Variants in G3BP2 observed in about 807,000 individuals in gnomAD.
G3BP2 encodes ras GTPase-activating protein-binding protein 2.
Under a neutral mutation model 56.7 loss-of-function variants are expected in G3BP2, and 11 were observed. The ratio of observed to expected loss-of-function variants is 0.19; its 90% CI spans 0.12 to 0.32. G3BP2 has a LOEUF of 0.32. G3BP2 is among the 10% of genes least tolerant of loss of function. G3BP2 has a pLI of 1.00. For missense variants in G3BP2, 340 were observed against 610.9 expected (o/e 0.56, Z 4.67); for synonymous variants, 165 against 191.6 (o/e 0.86, Z 1.15).
At chr4:75,713,137 C>T (rs1321826008) in intron 3 of G3BP2, among the ~76,000 whole-genome samples, 4 of 152,138 alleles carry the variant, frequency 2.6e-5, no homozygotes, top group Non-Finnish European at 4.4e-5. Context: ...TAGTTTTTAT[C>T]CTCCCTTCTA....
intron 1 of G3BP2, among the ~76,000 whole-genome samples, chr4:75,668,159 CTG>C (rs890036039): frequency 6.6e-6 from 1 of 152,078 alleles, no homozygotes; most frequent in Non-Finnish European, 1.5e-5. Context: ...ATAATACACA[CTG>C]AGAGGGAGTG....
intron 3 of G3BP2, among the ~76,000 whole-genome samples, chr4:75,704,050 C>T (rs1336546891): frequency 6.8e-6 from 1 of 147,426 alleles, no homozygotes; most frequent in East Asian, 2.0e-4. Context: ...GACAGAGTCT[C>T]GCTCTGTCGC....
upstream of G3BP2, among the ~76,000 whole-genome samples, chr4:75,678,207 G>A (rs182465959): frequency 1.8e-4 from 27 of 152,290 alleles, no homozygotes; most frequent in Admixed American, 5.2e-4. Flanking sequence ...CCTGGCTGGA[G>A]TGCAATGGTG....
At chr4:75,678,240 C>T (rs1318139414), upstream of G3BP2, among the ~76,000 whole-genome samples, 2 of 152,002 alleles carry the variant, frequency 1.3e-5, no homozygotes, top group African/African-American at 4.8e-5. Context: ...ATTGCAGCCT[C>T]GACTTCTCAG....
At chr4:75,653,180 A>C (rs1037861211) in intron 8 of G3BP2, among the ~76,000 whole-genome samples, 14 of 152,172 alleles carry the variant, frequency 9.2e-5, no homozygotes, top group African/African-American at 3.4e-4. Flanking sequence ...AAAACTAAAA[A>C]TTACTACTTT....
rs145794318 is a variant in G3BP2 at position 75,701,368 on chromosome 4, A to G, written c.-25+19509T>C. Among the ~76,000 whole-genome samples the G allele has an allele frequency of 6.9e-4, 104 of 150,680 alleles. No individual in the cohort carries two copies. In the East Asian group the frequency reaches 0.014, roughly 20 times the overall value. ...AGTGCAGTGGCACTATCTAAGCTCA[A>G]TGCAACCTCCGCCTCCTGAGTAGCT... is the stretch of plus-strand genomic sequence containing the variant. On this transcript the variant is annotated intron_variant, in intron 3 of 3. Transcript: ENST00000499709.
intron 10 of G3BP2, among the ~76,000 whole-genome samples, chr4:75,646,698 G>C (rs1731230134): frequency 6.8e-6 from 1 of 146,696 alleles, no homozygotes; most frequent in Non-Finnish European, 1.5e-5. Flanking sequence ...CATAAGTAAA[G>C]TTAACTGCAT....
At chr4:75,661,896 A>T in intron 2 of G3BP2, 35 bp downstream of exon 2, 1 of 1,072,400 alleles carries the variant, frequency 9.3e-7, no homozygotes, top group Non-Finnish European at 1.5e-6. Flanking sequence ...GAAAAAAAGT[A>T]GATAAAAATA....
At chr4:75,695,105 C>T (rs1291035078) in intron 3 of G3BP2, among the ~76,000 whole-genome samples, 3 of 152,164 alleles carry the variant, frequency 2.0e-5, no homozygotes, top group Non-Finnish European at 4.4e-5. Flanking sequence ...ATTTGGTTGT[C>T]AGGGAAGAGA....
rs1302552931 is a variant in G3BP2, at chr4:75,672,251, GA to G, written c.-25+956del. On this transcript the variant is annotated intron_variant, in intron 1 of 11. Transcript: ENST00000359707. The stretch of plus-strand genomic sequence containing the variant: ...TAAGTATGTCTTGGGGAAAAAAGCT[GA>G]TCTATGCAGGAAATTATAGACGAAA... Among the ~76,000 whole-genome samples the G allele has an allele frequency of 2.6e-5, 4 of 152,092 alleles. No homozygotes were observed. The South Asian group carries it at 6.2e-4, about 24-fold the overall frequency.
At chr4:75,680,985 T>A (rs1392004560) in intron 3 of G3BP2, among the ~76,000 whole-genome samples, 2 of 142,268 alleles carry the variant, frequency 1.4e-5, no homozygotes, top group Non-Finnish European at 1.5e-5. Flanking sequence ...AATAAAAAAT[T>A]AAAAAAAAAA....
chr4:75,709,367 C>G (rs890270626), intron 3 of G3BP2, among the ~76,000 whole-genome samples: 4 of 124,622 alleles, frequency 3.2e-5, no homozygotes, highest in African/African-American at 6.2e-5. Flanking sequence ...TTGCAGTGAG[C>G]TGAGATTGCA....
At chr4:75,711,936 G>A (rs1382493748) in intron 3 of G3BP2, among the ~76,000 whole-genome samples, 1 of 151,956 alleles carries the variant, frequency 6.6e-6, no homozygotes, top group Non-Finnish European at 1.5e-5. Flanking sequence ...TAAGTCTGTT[G>A]TTATTTGTGA....
intron 6 of G3BP2, among the ~76,000 whole-genome samples, chr4:75,655,463 A>G (rs1193083602): frequency 6.6e-6 from 1 of 152,238 alleles, no homozygotes; most frequent in Non-Finnish European, 1.5e-5. Context: ...CTGAATTACT[A>G]AGAATGTTTA....
intron 2 of G3BP2, among the ~76,000 whole-genome samples, chr4:75,660,623 C>A (rs1732475400): frequency 6.6e-6 from 1 of 152,148 alleles, no homozygotes; most frequent in Non-Finnish European, 1.5e-5. Context: ...AAAAATGCCT[C>A]AAGTAAGACA....
chr4:75,647,609 A>G (rs1317314796), intron 9 of G3BP2, among the ~76,000 whole-genome samples: 2 of 151,602 alleles, frequency 1.3e-5, no homozygotes, highest in East Asian at 3.9e-4. Context: ...TATACATATT[A>G]AGTGTGTATG....
At chr4:75,648,916 A>C in intron 8 of G3BP2, 175 bp from the exon 9 acceptor site, 1 of 463,120 alleles carries the variant, frequency 2.2e-6, no homozygotes, top group Non-Finnish European at 3.9e-6. Flanking sequence ...TTCTGTACCA[A>C]TCTAGGACTG....
chr4:75,706,841 G>A lies in G3BP2; in HGVS notation c.-25+14036C>T, dbSNP rs537268302. Among the ~76,000 whole-genome samples, 4 of 152,202 alleles carry A rather than the reference G, an allele frequency of 2.6e-5. No homozygotes were observed. The East Asian group carries it at 5.8e-4, about 22-fold the overall frequency. ...TATGTTAAATGACAAGTAGCAAATCGGAGTGGAAAGGACTATTATGCATAG... is the reference window on the plus strand; with the variant it reads ...TATGTTAAATGACAAGTAGCAAATCAGAGTGGAAAGGACTATTATGCATAG... On this transcript the variant is annotated intron_variant, in intron 3 of 3. Transcript: ENST00000499709.
intron 3 of G3BP2, among the ~76,000 whole-genome samples, chr4:75,717,767 G>A (rs776415134): frequency 2.0e-5 from 3 of 152,096 alleles, no homozygotes; most frequent in Non-Finnish European, 4.4e-5. Flanking sequence ...ATGGTGTTGG[G>A]AGGTAACAGT....
Sources: gnomAD v4.1 joint callset for allele counts (sites outside exome capture counted in the v4.1 genomes callset) on GRCh38, gnomAD v4.1.1 for gene constraint, MANE v1.5 for transcripts, NCBI Gene and HGNC (gene_info 2026-07-23, HGNC 2026-07-21) for gene names.